PLCB4: variants seen among roughly 807,000 people sequenced by gnomAD.
PLCB4 encodes 1-phosphatidylinositol 4,5-bisphosphate phosphodiesterase beta-4.
A neutral mutation model predicts 178.8 loss-of-function variants in PLCB4; 77 were observed. The observed-to-expected ratio is 0.43, with a 90% CI of 0.36 to 0.52. PLCB4 has a LOEUF of 0.52. Ranked by LOEUF, PLCB4 falls within the 20% of genes least tolerant of loss-of-function variation. The probability of loss-of-function intolerance (pLI) is 0.00; values close to 1 mark genes in which losing one functional copy is unlikely to be tolerated. For synonymous variants in PLCB4, 496 were observed against 490.8 expected (o/e 1.01, Z -0.14); for missense variants, 1,024 against 1,453.4 (o/e 0.70, Z 4.80).
At chr20:9,376,076 C>T (rs1295338202) in intron 12 of PLCB4, among the ~76,000 whole-genome samples, 1 of 151,960 alleles carries the variant, frequency 6.6e-6, no homozygotes. Flanking sequence ...AGGGTGACCT[C>T]CTCCCTATCC....
chr20:9,093,887 G>A (rs1463620881), intron 1 of PLCB4, among the ~76,000 whole-genome samples: 1 of 151,820 alleles, frequency 6.6e-6, no homozygotes, highest in Non-Finnish European at 1.5e-5. Flanking sequence ...CCCCTTTTTG[G>A]CTCTTTCAAA....
chr20:9,156,499 C>A (rs2092790777), intron 2 of PLCB4, among the ~76,000 whole-genome samples: 1 of 152,106 alleles, frequency 6.6e-6, no homozygotes, highest in Admixed American at 6.6e-5. Context: ...GTTTCATATT[C>A]ATGCTGAAGG....
rs1446862071 is a variant in PLCB4, at chr20:9,448,580, A to G, written c.2880+4337A>G. Among the ~76,000 whole-genome samples the G allele has an allele frequency of 2.0e-5, 3 of 151,684 alleles. No individual in the cohort carries two copies. In the East Asian group the frequency reaches 5.8e-4, roughly 29 times the overall value. ...ATGGCTTTGAATGCAGCCCAACACA[A>G]ATTTGTAGACTTTCTTAAAACATGA... On this transcript the variant is annotated intron_variant, in intron 32 of 39. Transcript: ENST00000378473.
intron 2 of PLCB4, among the ~76,000 whole-genome samples, chr20:9,212,091 C>T (rs762786722): frequency 2.6e-5 from 4 of 152,158 alleles, no homozygotes; most frequent in Non-Finnish European, 5.9e-5. Flanking sequence ...ACTAGTTTTG[C>T]CAAATGATAT....
chr20:9,309,528 G>A (rs569155928), intron 4 of PLCB4, among the ~76,000 whole-genome samples: 2 of 152,024 alleles, frequency 1.3e-5, no homozygotes, highest in African/African-American at 4.8e-5. Flanking sequence ...TTGAAGTCAG[G>A]GATCATATTT....
At chr20:9,449,179 C>A (rs947137271) in intron 32 of PLCB4, among the ~76,000 whole-genome samples, 1 of 152,094 alleles carries the variant, frequency 6.6e-6, no homozygotes. Flanking sequence ...AATTAATTAA[C>A]AATAATCCTC....
chr20:9,324,057 G>A (rs79356436), intron 4 of PLCB4, among the ~76,000 whole-genome samples: 1 of 151,926 alleles, frequency 6.6e-6, no homozygotes, highest in African/African-American at 2.4e-5. Flanking sequence ...TGTAATCTCA[G>A]CTACTCAGGA....
At chr20:9,277,133 G>C (rs2094457158) in intron 3 of PLCB4, among the ~76,000 whole-genome samples, 1 of 151,984 alleles carries the variant, frequency 6.6e-6, no homozygotes, top group Non-Finnish European at 1.5e-5. Context: ...CTTCCGTGTG[G>C]GAGAAGTGGA....
intron 7 of PLCB4, among the ~76,000 whole-genome samples, chr20:9,355,058 T>G (rs1315857061): frequency 6.6e-6 from 1 of 152,166 alleles, no homozygotes; most frequent in African/African-American, 2.4e-5. Context: ...CTGAAATGTC[T>G]TATAATTCCC....
chr20:9,121,666 A>C (rs897025571), intron 2 of PLCB4, among the ~76,000 whole-genome samples: 5 of 152,334 alleles, frequency 3.3e-5, no homozygotes, highest in South Asian at 2.1e-4. Flanking sequence ...ACAAGTCTTC[A>C]GTGGAAACAG....
intron 24 of PLCB4, 75 bp from the exon 25 acceptor site, chr20:9,410,962 T>C: frequency 9.8e-7 from 1 of 1,016,768 alleles, no homozygotes; most frequent in Non-Finnish European, 1.6e-6. Flanking sequence ...CTGATACCTA[T>C]TGTTTCAAAT....
intron 2 of PLCB4, among the ~76,000 whole-genome samples, chr20:9,207,899 T>G (rs2093631652): frequency 6.6e-6 from 1 of 152,164 alleles, no homozygotes; most frequent in African/African-American, 2.4e-5. Flanking sequence ...GAGGAATACT[T>G]GTATTATTTT....
At chr20:9,455,072 C>T (rs1387616528) in intron 33 of PLCB4, among the ~76,000 whole-genome samples, 2 of 152,144 alleles carry the variant, frequency 1.3e-5, no homozygotes, top group South Asian at 2.1e-4. Context: ...TAGATTCTAA[C>T]CACATCAGCT....
chr20:9,446,622 T>TAATC (rs1185325765), intron 32 of PLCB4, among the ~76,000 whole-genome samples: 2 of 152,226 alleles, frequency 1.3e-5, no homozygotes, highest in African/African-American at 2.4e-5. Context: ...CTCATGCATG[T>TAATC]AATCCCAGCA....
chr20:9,151,682 C>G (rs2092694472), intron 2 of PLCB4, among the ~76,000 whole-genome samples: 1 of 152,060 alleles, frequency 6.6e-6, no homozygotes, highest in Non-Finnish European at 1.5e-5. Context: ...ATGTCTTTAT[C>G]AGCAGTGTGA....
intron 36 of PLCB4, among the ~76,000 whole-genome samples, chr20:9,469,617 C>T (rs2044043036): frequency 6.6e-6 from 1 of 152,178 alleles, no homozygotes; most frequent in African/African-American, 2.4e-5. Context: ...GTGGTCTCAC[C>T]TAGGGTCCCA....
At chr20:9,402,163 G>T (rs1234539785) in intron 20 of PLCB4, among the ~76,000 whole-genome samples, 1 of 152,218 alleles carries the variant, frequency 6.6e-6, no homozygotes, top group Non-Finnish European at 1.5e-5. Context: ...TAGGGAAAGG[G>T]ATCGGAAACA....
At chr20:9,205,814 T>C (rs770046502) in intron 2 of PLCB4, among the ~76,000 whole-genome samples, 8 of 152,220 alleles carry the variant, frequency 5.3e-5, no homozygotes, top group Admixed American at 1.3e-4. Context: ...TAATCTGTTC[T>C]TTACCTATAT....
chr20:9,227,319 G>A (rs540159479), intron 3 of PLCB4, among the ~76,000 whole-genome samples: 193 of 151,990 alleles, frequency 1.3e-3, no homozygotes, highest in Middle Eastern at 6.8e-3. Context: ...ACAGTCAAAT[G>A]TATCTATTTT....
Sources: gnomAD v4.1 joint callset for allele counts (sites outside exome capture counted in the v4.1 genomes callset) on GRCh38, gnomAD v4.1.1 for gene constraint, MANE v1.5 for transcripts, NCBI Gene and HGNC (gene_info 2026-07-23, HGNC 2026-07-21) for gene names.